The following ARHGAP24 variants were observed in gnomAD, a reference collection of about 807,000 sequenced individuals.
ARHGAP24 encodes Rho GTPase activating protein 24.
ARHGAP24 carries 50 observed loss-of-function variants against 76.4 expected under a neutral mutation model. The ratio of observed to expected loss-of-function variants is 0.65; its 90% CI spans 0.52 to 0.83. The LOEUF is 0.83. ARHGAP24 is among the 40% of genes least tolerant of loss of function. ARHGAP24 has a pLI of 0.00. For synonymous variants in ARHGAP24, 345 were observed against 323.3 expected (o/e 1.07, Z -0.72); for missense variants, 930 against 914.2 (o/e 1.02, Z -0.22).
intron 3 of ARHGAP24, among the ~76,000 whole-genome samples, chr4:85,817,469 A>G (rs902585104): frequency 1.3e-5 from 2 of 152,164 alleles, no homozygotes; most frequent in African/African-American, 4.8e-5. Context: ...ATTTTTCTGC[A>G]TATGGATATC....
At chr4:85,592,973 G>C (rs1728178321) in intron 2 of ARHGAP24, among the ~76,000 whole-genome samples, 2 of 151,980 alleles carry the variant, frequency 1.3e-5, no homozygotes, top group Non-Finnish European at 2.9e-5. Context: ...TGTATACCTA[G>C]CAATGGGATT....
intron 2 of ARHGAP24, among the ~76,000 whole-genome samples, chr4:85,611,727 T>G (rs779614703): frequency 7.2e-5 from 11 of 152,178 alleles, no homozygotes; most frequent in Non-Finnish European, 1.2e-4. Flanking sequence ...GACTGGAAAT[T>G]AAGATGATCC....
intron 1 of ARHGAP24, among the ~76,000 whole-genome samples, chr4:85,535,572 G>A (rs1220069569): frequency 6.6e-6 from 1 of 152,164 alleles, no homozygotes; most frequent in Non-Finnish European, 1.5e-5. Context: ...ATTTGGTTAT[G>A]GTGAATAATC....
chr4:85,929,974 C>A (rs1736232743), intron 4 of ARHGAP24, among the ~76,000 whole-genome samples: 2 of 152,200 alleles, frequency 1.3e-5, no homozygotes, highest in South Asian at 4.1e-4. Context: ...GGGAAGTCAA[C>A]ACAAAGTCAA....
chr4:85,602,892 G>A (rs1720079870), intron 2 of ARHGAP24, among the ~76,000 whole-genome samples: 1 of 152,126 alleles, frequency 6.6e-6, no homozygotes, highest in African/African-American at 2.4e-5. Flanking sequence ...GCATTTTAAG[G>A]TGACACTGAG....
intron 1 of ARHGAP24, among the ~76,000 whole-genome samples, chr4:85,559,891 A>C (rs1203765028): frequency 6.6e-6 from 1 of 152,154 alleles, no homozygotes; most frequent in African/African-American, 2.4e-5. Context: ...CTTTTGGAAA[A>C]GCACTGGAGT....
chr4:85,546,887 A>G (rs1209194294), intron 1 of ARHGAP24, among the ~76,000 whole-genome samples: 1 of 152,074 alleles, frequency 6.6e-6, no homozygotes, highest in African/African-American at 2.4e-5. Flanking sequence ...ATTCTTTTTC[A>G]TATGCTTTAT....
chr4:85,545,084 T>G (rs1725865555), intron 1 of ARHGAP24, among the ~76,000 whole-genome samples: 1 of 149,488 alleles, frequency 6.7e-6, no homozygotes, highest in Non-Finnish European at 1.5e-5. Flanking sequence ...GATCCAGTGC[T>G]CTACAGTTTC....
intron 4 of ARHGAP24, among the ~76,000 whole-genome samples, chr4:85,940,494 A>C (rs770524108): frequency 1.3e-4 from 20 of 152,102 alleles, no homozygotes; most frequent in Non-Finnish European, 5.9e-5. Flanking sequence ...GAACAGGACT[A>C]TGCCACATGA....
At position 85,997,397 on chromosome 4, in the gene ARHGAP24, TAG is replaced by T. The variant is rs1449016671; in HGVS notation, c.2003+1742_2003+1743del. Among the ~76,000 whole-genome samples, 48 of 144,100 alleles carry T rather than the reference TAG, an allele frequency of 3.3e-4. No individual in the cohort carries two copies. In the South Asian group the frequency reaches 9.3e-3, roughly 28 times the overall value. The allele number at this position is 144,100 out of a possible 152,430, so 94.5% of individuals were successfully genotyped here. ...ATAGATAGATAGATAGATAGATAGA[TAG>T]ATAGATAGATAGATAATATTTTACT... On this transcript the variant is annotated intron_variant, in intron 9 of 9. Transcript: ENST00000395184.
chr4:85,638,634 C>A (rs1471605), intron 2 of ARHGAP24, among the ~76,000 whole-genome samples: 40,221 of 151,884 alleles, frequency 0.26, 7,446 homozygotes, highest in East Asian at 0.84. Context: ...TGTGTGGATG[C>A]CCACAATATG....
At chr4:85,886,694 G>T (rs754428409) in intron 3 of ARHGAP24, among the ~76,000 whole-genome samples, 4 of 152,066 alleles carry the variant, frequency 2.6e-5, no homozygotes, top group Non-Finnish European at 5.9e-5. Context: ...ATTAAACAAT[G>T]AAATGATGTC....
intron 1 of ARHGAP24, among the ~76,000 whole-genome samples, chr4:85,553,944 G>T (rs941264883): frequency 6.6e-6 from 1 of 152,032 alleles, no homozygotes; most frequent in African/African-American, 2.4e-5. Context: ...TTTTGTAGTG[G>T]TGCATAACAT....
At chr4:85,588,327 T>C (rs958675060) in intron 2 of ARHGAP24, among the ~76,000 whole-genome samples, 4 of 152,232 alleles carry the variant, frequency 2.6e-5, no homozygotes, top group Non-Finnish European at 4.4e-5. Flanking sequence ...AGTTTTCATT[T>C]GTTGTTTTAA....
chr4:85,728,198 C>A (rs1725240997), intron 3 of ARHGAP24, among the ~76,000 whole-genome samples: 1 of 132,506 alleles, frequency 7.5e-6, no homozygotes, highest in Admixed American at 8.1e-5. Flanking sequence ...ACATGGGTGC[C>A]TAAAGAATCT....
chr4:85,712,452 C>A lies in ARHGAP24; in HGVS notation c.181-9433C>A, dbSNP rs117324828. ...TTGCCACCTTTTTTGTATTAGTTTCCCTTGGCTGTTGTAACAGATTGTCAC... is the reference window on the plus strand; with the variant it reads ...TTGCCACCTTTTTTGTATTAGTTTCACTTGGCTGTTGTAACAGATTGTCAC... On this transcript the variant is annotated intron_variant, in intron 2 of 9. Transcript: ENST00000395184. Among the ~76,000 whole-genome samples the A allele has an allele frequency of 7.6e-3, 1,152 of 152,178 alleles. 21 individuals are homozygous for A. The highest frequency in any genetic ancestry group is 0.052 in the East Asian group (267 of 5,184).
intron 2 of ARHGAP24, among the ~76,000 whole-genome samples, chr4:85,698,924 G>A (rs141988613): frequency 7.9e-5 from 12 of 152,208 alleles, no homozygotes; most frequent in Admixed American, 5.9e-4. Flanking sequence ...CCTGTGACCT[G>A]GTCATTGAAA....
At chr4:85,889,865 T>A (rs1329011838) in intron 3 of ARHGAP24, among the ~76,000 whole-genome samples, 1 of 152,142 alleles carries the variant, frequency 6.6e-6, no homozygotes, top group Non-Finnish European at 1.5e-5. Flanking sequence ...TATACATAAA[T>A]CCTCTGAGTC....
chr4:85,912,976 A>T (rs569442713), intron 3 of ARHGAP24, among the ~76,000 whole-genome samples: 105 of 152,164 alleles, frequency 6.9e-4, no homozygotes, highest in Admixed American at 2.3e-3. Flanking sequence ...AGAGTGAAAA[A>T]TTTTTTGCAT....
Sources: gnomAD v4.1 joint callset for allele counts (sites outside exome capture counted in the v4.1 genomes callset) on GRCh38, gnomAD v4.1.1 for gene constraint, MANE v1.5 for transcripts, NCBI Gene and HGNC (gene_info 2026-07-23, HGNC 2026-07-21) for gene names.